Variants in FRMD4B observed in about 807,000 individuals in gnomAD.
FRMD4B encodes FERM domain containing 4B, also known as FERM domain-containing protein 4B.
FRMD4B carries 74 observed loss-of-function variants against 141.5 expected under a neutral mutation model. That is an observed-to-expected ratio of 0.52 (90% CI 0.43 to 0.63). FRMD4B has a LOEUF of 0.63. FRMD4B is among the 30% of genes least tolerant of loss of function. The probability of loss-of-function intolerance (pLI) is 0.00; values close to 1 mark genes in which losing one functional copy is unlikely to be tolerated. For synonymous variants in FRMD4B, 506 were observed against 467.9 expected (o/e 1.08, Z -1.05); for missense variants, 1,366 against 1,253.4 (o/e 1.09, Z -1.36).
intron 1 of FRMD4B, among the ~76,000 whole-genome samples, chr3:69,325,097 G>GAAAGAAAGAAAGAA (rs1702147957): frequency 1.3e-5 from 2 of 149,756 alleles, no homozygotes; most frequent in East Asian, 3.9e-4. Context: ...AAGAAAGAAA[G>GAAAGAAAGAAAGAA]AAAGAAAGAA....
At chr3:69,337,394 G>C (rs1371049617) in intron 1 of FRMD4B, among the ~76,000 whole-genome samples, 2 of 152,182 alleles carry the variant, frequency 1.3e-5, no homozygotes, top group Admixed American at 6.5e-5. Context: ...ACATAGGCAT[G>C]GGCAAGGACT....
intron 1 of FRMD4B, among the ~76,000 whole-genome samples, chr3:69,534,294 C>T (rs1188416911): frequency 2.0e-5 from 3 of 152,150 alleles, no homozygotes; most frequent in South Asian, 4.1e-4. Context: ...ATTCAATCAG[C>T]AAGGGAGAAA....
At chr3:69,301,067 AATAGCCT>A (rs1273252180) in intron 4 of FRMD4B, among the ~76,000 whole-genome samples, 5 of 151,040 alleles carry the variant, frequency 3.3e-5, no homozygotes, top group Non-Finnish European at 7.4e-5. Context: ...AACAACTAGA[AATAGCCT>A]AAATGCTTAA....
At chr3:69,310,922 T>C (rs1276778726) in intron 3 of FRMD4B, among the ~76,000 whole-genome samples, 1 of 152,214 alleles carries the variant, frequency 6.6e-6, no homozygotes, top group Non-Finnish European at 1.5e-5. Context: ...AGTTTCAAGA[T>C]GTGAGTAAAT....
intron 11 of FRMD4B, among the ~76,000 whole-genome samples, chr3:69,215,282 C>CTTTGTTTTTTTTTTTTTT (rs1559724064): frequency 2.7e-5 from 1 of 37,474 alleles, no homozygotes; most frequent in African/African-American, 6.6e-5. Flanking sequence ...GATTGTGACC[C>CTTTGTTTTTTTTTTTTTT]TCTTTTTTTT....
At chr3:69,522,707 G>A (rs961372135) in intron 1 of FRMD4B, among the ~76,000 whole-genome samples, 2 of 152,164 alleles carry the variant, frequency 1.3e-5, no homozygotes, top group African/African-American at 4.8e-5. Context: ...ATCATGCAAC[G>A]GATGCAAAAA....
chr3:69,225,281 T>C (rs945998593), intron 7 of FRMD4B, among the ~76,000 whole-genome samples: 5 of 152,100 alleles, frequency 3.3e-5, no homozygotes, highest in Non-Finnish European at 7.3e-5. Context: ...TCACATTAAG[T>C]GAACTAAAAT....
chr3:69,422,093 T>C lies in FRMD4B; in HGVS notation c.-1+10541A>G, dbSNP rs372629189. 4.6e-5 allele frequency among the ~76,000 whole-genome samples: 7 copies of C among 152,260 alleles called. No homozygotes were observed. In the East Asian group the frequency reaches 1.4e-3, roughly 29 times the overall value. ...CATAGGGATTTGAAATCTAAACTTATATTAAAAGGAGAGGGGCCGGGCGTG... is the reference window on the plus strand; with the variant it reads ...CATAGGGATTTGAAATCTAAACTTACATTAAAAGGAGAGGGGCCGGGCGTG... On this transcript the variant is annotated intron_variant, in intron 2 of 5. Transcript: ENST00000459638.
At chr3:69,288,661 A>G (rs1211383116) in intron 4 of FRMD4B, among the ~76,000 whole-genome samples, 2 of 152,184 alleles carry the variant, frequency 1.3e-5, no homozygotes, top group African/African-American at 4.8e-5. Flanking sequence ...GCGAGTGGGC[A>G]AGCTGGGGCC....
chr3:69,250,218 T>C (rs546119146), intron 5 of FRMD4B, 119 bp from the exon 6 acceptor site: 4 of 776,272 alleles, frequency 5.2e-6, no homozygotes, highest in African/African-American at 5.1e-5. Flanking sequence ...CAAATGCAGA[T>C]CATACCATTG....
chr3:69,288,155 T>A (rs1700753573), intron 4 of FRMD4B, among the ~76,000 whole-genome samples: 1 of 152,238 alleles, frequency 6.6e-6, no homozygotes, highest in Non-Finnish European at 1.5e-5. Flanking sequence ...TTCTGGGAGT[T>A]CATAATACCT....
chr3:69,538,942 T>G (rs1356694881), intron 1 of FRMD4B, among the ~76,000 whole-genome samples: 2 of 152,216 alleles, frequency 1.3e-5, no homozygotes, highest in African/African-American at 2.4e-5. Context: ...GGAAGATACA[T>G]GTAAGACCTG....
chr3:69,259,340 G>A (rs144933608), intron 5 of FRMD4B, among the ~76,000 whole-genome samples: 1 of 152,184 alleles, frequency 6.6e-6, no homozygotes, highest in Non-Finnish European at 1.5e-5. Flanking sequence ...AGCTTCTCTC[G>A]TTCACCCACC....
intron 11 of FRMD4B, among the ~76,000 whole-genome samples, chr3:69,202,164 C>T (rs1047551003): frequency 6.6e-6 from 1 of 152,094 alleles, no homozygotes; most frequent in Non-Finnish European, 1.5e-5. Flanking sequence ...GATCGCACCA[C>T]TGCACTCCAA....
intron 1 of FRMD4B, among the ~76,000 whole-genome samples, chr3:69,372,054 A>G (rs1703840316): frequency 6.6e-6 from 1 of 151,760 alleles, no homozygotes; most frequent in Non-Finnish European, 1.5e-5. Flanking sequence ...CACTTTGGCC[A>G]CTCCACTGTG....
intron 5 of FRMD4B, among the ~76,000 whole-genome samples, chr3:69,263,062 C>T (rs576596257): frequency 3.3e-5 from 5 of 152,032 alleles, no homozygotes; most frequent in African/African-American, 1.2e-4. Context: ...AGTTCGAGAC[C>T]GGCCTGACCA....
At chr3:69,351,099 T>C (rs1703131676) in intron 1 of FRMD4B, among the ~76,000 whole-genome samples, 1 of 152,124 alleles carries the variant, frequency 6.6e-6, no homozygotes, top group African/African-American at 2.4e-5. Flanking sequence ...GCAACTGAAG[T>C]ATACAGCAAG....
At chr3:69,378,054 A>C (rs1005582579) in intron 1 of FRMD4B, among the ~76,000 whole-genome samples, 6 of 150,844 alleles carry the variant, frequency 4.0e-5, no homozygotes, top group South Asian at 4.2e-4. Flanking sequence ...TCCTGGCCTC[A>C]AGTGATCTGC....
chr3:69,257,716 C>T (rs895056157), intron 5 of FRMD4B, among the ~76,000 whole-genome samples: 1 of 151,908 alleles, frequency 6.6e-6, no homozygotes, highest in Non-Finnish European at 1.5e-5. Flanking sequence ...GGCTGGAATG[C>T]AGTGGTGCTG....
Sources: gnomAD v4.1 joint callset for allele counts (sites outside exome capture counted in the v4.1 genomes callset) on GRCh38, gnomAD v4.1.1 for gene constraint, MANE v1.5 for transcripts, NCBI Gene and HGNC (gene_info 2026-07-23, HGNC 2026-07-21) for gene names.